The following GNG7 variants were observed in gnomAD, a reference collection of about 807,000 sequenced individuals.
GNG7 encodes guanine nucleotide-binding protein G(I)/G(S)/G(O) subunit gamma-7.
A neutral mutation model predicts 4.0 loss-of-function variants in GNG7; 1 was observed. The ratio of observed to expected loss-of-function variants is 0.25; its 90% confidence interval spans 0.09 to 1.18. GNG7 has a LOEUF of 1.18. Ranked by LOEUF, GNG7 falls within the 50% of genes most tolerant of loss-of-function variation. The pLI is 0.50. For missense variants in GNG7, 86 were observed against 91.9 expected, an observed-to-expected ratio of 0.94 and a Z score of 0.26; for synonymous variants, 34 against 36.9, an observed-to-expected ratio of 0.92 and a Z score of 0.29.
chr19:2,687,728 C>G (rs1433131884), intron 1 of GNG7, among the ~76,000 whole-genome samples: 1 of 151,900 alleles, frequency 6.6e-6, no homozygotes, highest in Non-Finnish European at 1.5e-5. Context: ...GTAATTCCAG[C>G]ACTTTGGGAG....
intron 1 of GNG7, among the ~76,000 whole-genome samples, chr19:2,698,926 C>G (rs1056185472): frequency 1.3e-5 from 2 of 152,136 alleles, no homozygotes; most frequent in Admixed American, 6.6e-5. Flanking sequence ...ATAACGGTAT[C>G]GGTCAAAGGA....
At chr19:2,637,231 G>T (rs1016196569) in intron 2 of GNG7, among the ~76,000 whole-genome samples, 2 of 148,452 alleles carry the variant, frequency 1.3e-5, no homozygotes, top group Admixed American at 6.7e-5. Context: ...CCCCGAGCCC[G>T]GCCCGTCTTT....
At chr19:2,568,910 CACATATACAT>C (rs1260962286) in intron 2 of GNG7, among the ~76,000 whole-genome samples, 2 of 151,682 alleles carry the variant, frequency 1.3e-5, no homozygotes, top group African/African-American at 4.9e-5. Flanking sequence ...CCACACTATA[CACATATACAT>C]ACATATACAA....
At chr19:2,547,634 A>G (rs1302273659) in intron 3 of GNG7, among the ~76,000 whole-genome samples, 1 of 152,174 alleles carries the variant, frequency 6.6e-6, no homozygotes, top group Non-Finnish European at 1.5e-5. Context: ...GGATTAGGAC[A>G]TGGATGTCTT....
chr19:2,547,198 T>C (rs1979158133), intron 3 of GNG7, among the ~76,000 whole-genome samples: 1 of 151,646 alleles, frequency 6.6e-6, no homozygotes, highest in African/African-American at 2.4e-5. Context: ...CTCCGCACAC[T>C]GGCAGCTCCC....
At chr19:2,683,858 A>G (rs985189968) in intron 1 of GNG7, among the ~76,000 whole-genome samples, 2 of 152,188 alleles carry the variant, frequency 1.3e-5, no homozygotes, top group Non-Finnish European at 2.9e-5. Context: ...CCCGTGCAGA[A>G]ACAAGAAAGG....
At position 2,614,140 on chromosome 19, in the gene GNG7, T is replaced by C. The variant is rs1383488313; in HGVS notation, c.-78+32084A>G. ...ATCCTCACCACCCGGTGAACGGCACTGGGAGCAGACTCAAGAGGCTCGAGA... is the reference window on the plus strand; with the variant it reads ...ATCCTCACCACCCGGTGAACGGCACCGGGAGCAGACTCAAGAGGCTCGAGA... On this transcript the variant is annotated intron_variant, in intron 2 of 4. Coordinates refer to ENST00000382159, the MANE Select transcript of GNG7 (RefSeq NM_052847.3). This position sits in a 1 kb window ranked among gnomAD's most constrained non-coding sequence, Gnocchi z 6.0. Among the ~76,000 whole-genome samples the C allele has an allele frequency of 6.6e-6, 1 of 152,162 alleles. No individual in the cohort carries two copies. Among genetic ancestry groups the C allele is most frequent in the African/African-American group, 2.4e-5 (1 of 41,444 alleles).
chr19:2,513,623 G>A lies in GNG7; in HGVS notation c.*1399C>T. On this transcript the variant is annotated 3_prime_UTR_variant, in exon 5 of 5. Coordinates refer to ENST00000382159, the MANE Select transcript of GNG7 (RefSeq NM_052847.3). ...CAGACAGCCGTCCTGGGTTGCACGG[G>A]GGTGGAAAAGCAAAAAGATCGGGTT... 2 of 973,650 alleles carry A rather than the reference G, an allele frequency of 2.1e-6. No homozygotes were observed. The highest frequency in any genetic ancestry group is 2.4e-6 in the Non-Finnish European group (2 of 819,150). 60.3% of individuals were successfully genotyped at this position (973,650 alleles called of 1,614,324 possible). A position where few individuals can be genotyped will look rare whatever the true frequency, so the allele number is the denominator to read the frequency against.
chr19:2,608,051 G>GA (rs56935207), intron 2 of GNG7, among the ~76,000 whole-genome samples: 1,820 of 99,038 alleles, frequency 0.018, 15 homozygotes, highest in Middle Eastern at 0.08. Flanking sequence ...TGGTATTTGA[G>GA]AAAAAAAAAA....
At chr19:2,654,425 C>T (rs1982909125) in intron 1 of GNG7, among the ~76,000 whole-genome samples, 1 of 151,948 alleles carries the variant, frequency 6.6e-6, no homozygotes, top group Admixed American at 6.6e-5. Context: ...GCATCCCTGG[C>T]CTCCACCCAC....
chr19:2,681,160 A>ATT (rs77628012), intron 1 of GNG7, among the ~76,000 whole-genome samples: 19 of 150,552 alleles, frequency 1.3e-4, no homozygotes, highest in East Asian at 7.8e-4. Flanking sequence ...TTTTATTTTT[A>ATT]TTTTTTTTGT....
intron 2 of GNG7, among the ~76,000 whole-genome samples, chr19:2,587,013 T>C (rs1347011933): frequency 7.2e-6 from 1 of 139,624 alleles, no homozygotes; most frequent in Non-Finnish European, 1.5e-5. Context: ...AAAAAAAGAA[T>C]GTCACCTTGA....
rs112516508 is a variant in GNG7 at position 2,609,034 on chromosome 19, T to C, written c.-78+37190A>G. 7.0e-4 allele frequency among the ~76,000 whole-genome samples: 103 copies of C among 146,504 alleles called. No individual in the cohort carries two copies. Among genetic ancestry groups the C allele is most frequent in the African/African-American group, 2.4e-3 (88 of 36,472 alleles). Reference sequence around the variant, plus strand: ...ATTCTCTCTCTCTCTCTCTCTCTCTTTTTTTGTTTTGAGACAGGGTCTCAC... The same window carrying C: ...ATTCTCTCTCTCTCTCTCTCTCTCTCTTTTTGTTTTGAGACAGGGTCTCAC... On this transcript the variant is annotated intron_variant, in intron 2 of 4. Transcript: ENST00000382159. The surrounding 1 kb of genome is among the most constrained non-coding windows in gnomAD (Gnocchi z 4.4).
intron 1 of GNG7, among the ~76,000 whole-genome samples, chr19:2,679,295 C>T (rs559534256): frequency 5.9e-5 from 9 of 152,260 alleles, no homozygotes; most frequent in African/African-American, 2.2e-4. Flanking sequence ...AAGCAATCCT[C>T]CCACCTAAGC....
At chr19:2,647,124 G>A (rs908268658) in intron 1 of GNG7, among the ~76,000 whole-genome samples, 12 of 152,210 alleles carry the variant, frequency 7.9e-5, no homozygotes, top group Non-Finnish European at 1.5e-4. Context: ...CACCATCACT[G>A]ACAGGACAAG....
chr19:2,544,326 C>T (rs551432570), intron 3 of GNG7, among the ~76,000 whole-genome samples: 34 of 152,180 alleles, frequency 2.2e-4, no homozygotes, highest in Non-Finnish European at 3.2e-4. Flanking sequence ...TGGGCACCTG[C>T]GTCAATGTGC....
chr19:2,518,790 TTTTTTG>T (rs1362787279), intron 4 of GNG7, among the ~76,000 whole-genome samples: 1 of 151,988 alleles, frequency 6.6e-6, no homozygotes, highest in Non-Finnish European at 1.5e-5. Context: ...GGTTAAATGT[TTTTTTG>T]TTTTTGTTTT....
chr19:2,644,692 G>C (rs1982619399), intron 2 of GNG7, among the ~76,000 whole-genome samples: 1 of 151,998 alleles, frequency 6.6e-6, no homozygotes, highest in Non-Finnish European at 1.5e-5. Context: ...GGCCCGTCCT[G>C]AACCTTTTGT....
intron 2 of GNG7, among the ~76,000 whole-genome samples, chr19:2,616,879 G>A (rs1022433489): frequency 6.6e-6 from 1 of 151,978 alleles, no homozygotes; most frequent in African/African-American, 2.4e-5. Context: ...TGGGGCCCGG[G>A]TTCTGCCCGC....
Sources: allele counts gnomAD v4.1 joint callset (sites outside exome capture counted in the v4.1 genomes callset), GRCh38; gene constraint gnomAD v4.1.1; non-coding constraint Gnocchi (gnomAD v3.1); transcripts MANE v1.5; gene names NCBI Gene and HGNC (gene_info 2026-07-23, HGNC 2026-07-21).